ITPR2: variants seen among roughly 807,000 people sequenced by gnomAD.
ITPR2 encodes the protein inositol 1,4,5-trisphosphate receptor type 2.
A neutral mutation model predicts 317.1 loss-of-function variants in ITPR2; 207 were observed. The observed-to-expected ratio is 0.65, with a 90% CI of 0.58 to 0.73. The LOEUF is 0.73. Among genes scored for constraint, ITPR2 ranks in the 30% least tolerant of loss-of-function variants. The probability of loss-of-function intolerance (pLI) is 0.00; values close to 1 mark genes in which losing one functional copy is unlikely to be tolerated. For synonymous variants in ITPR2, 1,156 were observed against 1,149.1 expected, an observed-to-expected ratio of 1.01 and a Z score of -0.12; for missense variants, 2,613 against 3,284.0, an observed-to-expected ratio of 0.80 and a Z score of 4.99.
intron 34 of ITPR2, among the ~76,000 whole-genome samples, chr12:26,575,751 T>G (rs1469401151): frequency 6.6e-6 from 1 of 152,216 alleles, no homozygotes; most frequent in Non-Finnish European, 1.5e-5. Context: ...ATAGTTTCAG[T>G]AACTATATTA....
Position 26,707,208 on chromosome 12 carries a change from C to T in ITPR2, c.951+3965G>A, listed in dbSNP as rs60176407. ...AGCATTCTACCATGCTGTGCATTTA[C>T]CAGGCACTGAAGAAACATATATTGA... On this transcript the variant is annotated intron_variant, in intron 9 of 56. Coordinates refer to ENST00000381340, the MANE Select transcript of ITPR2 (RefSeq NM_002223.4). Among the ~76,000 whole-genome samples, 1,229 of 152,292 alleles carry T rather than the reference C, an allele frequency of 8.1e-3. 23 individuals carry two copies. Among genetic ancestry groups the T allele is most frequent in the African/African-American group, 0.028 (1,181 of 41,550 alleles).
chr12:26,783,407 G>A (rs1453023645), intron 2 of ITPR2, among the ~76,000 whole-genome samples: 1 of 151,944 alleles, frequency 6.6e-6, no homozygotes, highest in Non-Finnish European at 1.5e-5. Context: ...CCACCCTCCA[G>A]GAAATGGTCC....
At chr12:26,686,744 G>T in intron 10 of ITPR2, 112 bp from the exon 11 acceptor site, 1 of 933,464 alleles carries the variant, frequency 1.1e-6, no homozygotes, top group Non-Finnish European at 1.6e-6. Flanking sequence ...GGATTGAAGA[G>T]GTGTCTATTT....
At chr12:26,379,957 T>C (rs1248657703) in intron 55 of ITPR2, among the ~76,000 whole-genome samples, 1 of 152,156 alleles carries the variant, frequency 6.6e-6, no homozygotes, top group Non-Finnish European at 1.5e-5. Flanking sequence ...CTGTGGCCAA[T>C]CACCCGAACA....
chr12:26,512,404 C>T (rs1943377563), intron 37 of ITPR2, among the ~76,000 whole-genome samples: 1 of 152,166 alleles, frequency 6.6e-6, no homozygotes. Context: ...TTCCTCTGCC[C>T]TATTGCTTAT....
intron 49 of ITPR2, chr12:26,419,756 A>G (rs990524398): frequency 6.6e-6 from 1 of 152,154 alleles, no homozygotes. Flanking sequence ...CTGTAAATAT[A>G]ACAGAAAATA....
At chr12:26,363,620 G>A (rs1318155051) in intron 55 of ITPR2, among the ~76,000 whole-genome samples, 1 of 152,142 alleles carries the variant, frequency 6.6e-6, no homozygotes, top group Non-Finnish European at 1.5e-5. Flanking sequence ...ACAATGCACT[G>A]ATACCATTTT....
At chr12:26,707,521 C>T (rs530820683) in intron 9 of ITPR2, among the ~76,000 whole-genome samples, 4 of 152,210 alleles carry the variant, frequency 2.6e-5, no homozygotes, top group African/African-American at 9.6e-5. Context: ...AATAAAAAAC[C>T]TGGGCTATTT....
chr12:26,521,062 T>C (rs1258462321), intron 37 of ITPR2, among the ~76,000 whole-genome samples: 1 of 152,210 alleles, frequency 6.6e-6, no homozygotes, highest in Admixed American at 6.5e-5. Flanking sequence ...ATTTTGCCCC[T>C]AAGTAGCTTC....
At chr12:26,517,760 C>A (rs1222057101) in intron 37 of ITPR2, among the ~76,000 whole-genome samples, 1 of 152,202 alleles carries the variant, frequency 6.6e-6, no homozygotes, top group Non-Finnish European at 1.5e-5. Context: ...ATCACTTGAA[C>A]CCAGGAGGCA....
chr12:26,670,705 A>G (rs1296994776), intron 13 of ITPR2, among the ~76,000 whole-genome samples: 1 of 152,226 alleles, frequency 6.6e-6, no homozygotes, highest in African/African-American at 2.4e-5. Context: ...ACGGATAATG[A>G]CTTTTACGAG....
At position 26,816,510 on chromosome 12, in the gene ITPR2, C is replaced by T. The variant is rs1046507146; in HGVS notation, c.92+16180G>A. Among the ~76,000 whole-genome samples, 73 of 152,148 alleles carry T rather than the reference C, an allele frequency of 4.8e-4. 2 individuals are homozygous for T. The highest frequency in any genetic ancestry group is 1.6e-4 in the Non-Finnish European group (11 of 68,026). ...ACTATATGCTAAAGCATTTTTCATT[C>T]CCTCAACATACTTCTTGAGTATCTA... is the stretch of plus-strand genomic sequence containing the variant. On this transcript the variant is annotated intron_variant, in intron 1 of 56. Coordinates refer to ENST00000381340, the MANE Select transcript of ITPR2 (RefSeq NM_002223.4).
chr12:26,345,161 T>C (rs1031460457), intron 55 of ITPR2, among the ~76,000 whole-genome samples: 1 of 152,142 alleles, frequency 6.6e-6, no homozygotes, highest in African/African-American at 2.4e-5. Context: ...GCTTTACATT[T>C]CTCACTGCAA....
intron 55 of ITPR2, among the ~76,000 whole-genome samples, chr12:26,364,844 C>T (rs563022953): frequency 1.2e-4 from 18 of 152,280 alleles, no homozygotes; most frequent in African/African-American, 4.1e-4. Flanking sequence ...TGTACCCTGA[C>T]GGCCTCTAGG....
At chr12:26,396,058 C>T (rs1939989345) in intron 54 of ITPR2, among the ~76,000 whole-genome samples, 1 of 151,908 alleles carries the variant, frequency 6.6e-6, no homozygotes, top group African/African-American at 2.4e-5. Context: ...GACAGAGCTC[C>T]AGGTGAGGTG....
At chr12:26,683,392 A>G (rs899417953) in intron 11 of ITPR2, among the ~76,000 whole-genome samples, 2 of 152,110 alleles carry the variant, frequency 1.3e-5, no homozygotes, top group African/African-American at 2.4e-5. Flanking sequence ...CATGTTTTTC[A>G]TATTTCACAA....
intron 21 of ITPR2, among the ~76,000 whole-genome samples, chr12:26,650,424 C>A (rs773318175): frequency 1.3e-5 from 2 of 152,100 alleles, no homozygotes; most frequent in Non-Finnish European, 2.9e-5. Flanking sequence ...CAAGAGTGAA[C>A]CCCAATGTCA....
intron 1 of ITPR2, among the ~76,000 whole-genome samples, chr12:26,825,904 T>C (rs569377353): frequency 1.3e-5 from 2 of 152,334 alleles, no homozygotes; most frequent in Admixed American, 1.3e-4. Context: ...CACATGCAAA[T>C]GTCCAATGGA....
Position 26,663,792 on chromosome 12 carries a change from G to A in ITPR2, c.1606C>T (p.Leu536=). The A allele has an allele frequency of 1.2e-6, 2 of 1,613,904 alleles. No individual in the cohort carries two copies. ...FKEKAGEGSM[L]RLEDLGDQRY... ...TGATCCCCCAGATCTTCAAGTCTCA[G>A]CATCGAGCCTTCTCCTGCTTTCTCT... is the stretch of plus-strand genomic sequence containing the variant. Residue 536 remains leucine, a synonymous_variant, in exon 15 of 57, where the codon CTG becomes TTG. Transcript: ENST00000381340.
Sources: allele counts gnomAD v4.1 joint callset (sites outside exome capture counted in the v4.1 genomes callset), GRCh38; gene constraint gnomAD v4.1.1; transcripts MANE v1.5; gene names NCBI Gene and HGNC (gene_info 2026-07-23, HGNC 2026-07-21).